PCDHA6: variants seen among roughly 807,000 people sequenced by gnomAD.
The protein encoded by PCDHA6 is protocadherin alpha 6.
In PCDHA6, 55 loss-of-function variants were observed where a neutral mutation model predicts 60.3. The ratio of observed to expected loss-of-function variants is 0.91; its 90% CI spans 0.73 to 1.14. PCDHA6 has a LOEUF of 1.14. PCDHA6 is among the 50% of genes most tolerant of loss of function. PCDHA6 has a pLI of 0.00. For missense variants in PCDHA6, 1,327 were observed against 1,256.5 expected, an observed-to-expected ratio of 1.06 and a Z score of -0.85; for synonymous variants, 652 against 557.9, an observed-to-expected ratio of 1.17 and a Z score of -2.38.
At position 140,872,763 on chromosome 5, in the gene PCDHA6, G is replaced by T. The variant is rs560485194; in HGVS notation, c.2394+42278G>T. The stretch of plus-strand genomic sequence containing the variant: ...AACTTGCTAAAGACATGCATATAGG[G>T]CTATATTATCTATAATATATGCTAG... On this transcript the variant is annotated intron_variant, in intron 1 of 3. Transcript: ENST00000529310. Among the ~76,000 whole-genome samples, 293 of 152,126 alleles carry T rather than the reference G, an allele frequency of 1.9e-3. 2 individuals are homozygous for T. The highest frequency in any genetic ancestry group is 3.6e-3 in the Non-Finnish European group (245 of 67,974).
chr5:140,871,036 C>G (rs781977409), intron 1 of PCDHA6: 3 of 1,613,274 alleles, frequency 1.9e-6, no homozygotes, highest in East Asian at 4.5e-5. Flanking sequence ...GCCGCGCCAC[C>G]GACTTCTAGT....
chr5:140,929,717 A>G (rs1408315390), intron 1 of PCDHA6: 1 of 229,936 alleles, frequency 4.3e-6, no homozygotes, highest in Non-Finnish European at 9.0e-6. Flanking sequence ...ATGGAAGGTG[A>G]AACATTTACT....
intron 1 of PCDHA6, among the ~76,000 whole-genome samples, chr5:140,937,865 T>C (rs1056873213): frequency 2.0e-5 from 3 of 149,988 alleles, no homozygotes; most frequent in Non-Finnish European, 2.9e-5. Context: ...TGAGCCGAGA[T>C]CGCGCCACTG....
At chr5:140,875,240 C>A in intron 1 of PCDHA6, 1 of 923,800 alleles carries the variant, frequency 1.1e-6, no homozygotes. Context: ...CTTGTACTTA[C>A]ATAATCAGTC....
chr5:140,954,225 A>C (rs1554221300), intron 1 of PCDHA6, among the ~76,000 whole-genome samples: 2 of 152,242 alleles, frequency 1.3e-5, no homozygotes, highest in African/African-American at 4.8e-5. Context: ...TGCTATTGTG[A>C]ATAGTGCTGC....
At chr5:141,009,095 A>G (rs1304233331) in intron 3 of PCDHA6, among the ~76,000 whole-genome samples, 3 of 152,214 alleles carry the variant, frequency 2.0e-5, no homozygotes, top group Admixed American at 6.5e-5. Context: ...AGAACCAAAC[A>G]TATGTTACTA....
At position 140,929,318 on chromosome 5, in the gene PCDHA6, A is replaced by G. The variant is rs78197291; in HGVS notation, c.2395-49631A>G. The G allele has an allele frequency of 3.9e-4, 606 of 1,545,240 alleles. 3 individuals carry two copies. The African/African-American group carries it at 7.7e-3, about 20-fold the overall frequency. ...AGGAAAGGGGATCACGCTAATGTCA[A>G]TGCCATGGTAAGCAAATTTTATGGA... On this transcript the variant is annotated intron_variant, in intron 1 of 3. Coordinates refer to ENST00000529310, the MANE Select transcript of PCDHA6 (RefSeq NM_018909.4).
chr5:140,988,866 C>T (rs1364853349), intron 3 of PCDHA6: 2 of 152,170 alleles, frequency 1.3e-5, no homozygotes, highest in Non-Finnish European at 2.9e-5. Context: ...CTCATGTGCA[C>T]TCAGATGTAC....
intron 1 of PCDHA6, chr5:140,849,828 G>A (rs2150452288): frequency 2.5e-6 from 4 of 1,598,564 alleles, no homozygotes; most frequent in East Asian, 2.2e-5. Flanking sequence ...GTCTGTGGAG[G>A]TGGCCGACGT....
chr5:140,883,960 G>A (rs2059914384), intron 1 of PCDHA6: 1 of 1,613,090 alleles, frequency 6.2e-7, no homozygotes. Context: ...ACGCTCCGGC[G>A]CTGCTGACGC....
At chr5:140,928,844 C>A (rs782361945) in intron 1 of PCDHA6, 9 of 1,614,168 alleles carry the variant, frequency 5.6e-6, no homozygotes, top group Non-Finnish European at 7.6e-6. Context: ...TCCTCTGTCA[C>A]TCTGGGTGTG....
At chr5:140,883,126 G>T (rs781992873) in intron 1 of PCDHA6, 1 of 1,614,036 alleles carries the variant, frequency 6.2e-7, no homozygotes, top group Non-Finnish European at 8.5e-7. Context: ...GGCCTGTATG[G>T]CCTGCAGTGG....
chr5:140,901,331 G>A (rs545187943), intron 1 of PCDHA6, among the ~76,000 whole-genome samples: 66 of 152,062 alleles, frequency 4.3e-4, no homozygotes, highest in Non-Finnish European at 7.1e-4. Flanking sequence ...TCTTGTAGTC[G>A]TTTTATAGTT....
rs139167552 is a variant in PCDHA6, at chr5:140,939,382, C to T, written c.2395-39567C>T. On this transcript the variant is annotated intron_variant, in intron 1 of 3. Coordinates refer to ENST00000529310, the MANE Select transcript of PCDHA6 (RefSeq NM_018909.4). ...CAAAGGAGGAGGGAACACAAACATT[C>T]AGATCATAGCAAGTTTGTGTAAATC... 3.9e-5 allele frequency among the ~76,000 whole-genome samples: 6 copies of T among 152,258 alleles called. No homozygotes were observed. The East Asian group carries it at 1.2e-3, about 29-fold the overall frequency.
chr5:140,838,334 G>A lies in PCDHA6; in HGVS notation c.2394+7849G>A, dbSNP rs2150288149. Among the ~76,000 whole-genome samples the A allele has an allele frequency of 6.8e-5, 10 of 146,222 alleles. 1 individual carries two copies. The South Asian group carries it at 1.1e-3, about 16-fold the overall frequency. On this transcript the variant is annotated intron_variant, in intron 1 of 3. Coordinates refer to ENST00000529310, the MANE Select transcript of PCDHA6 (RefSeq NM_018909.4). ...AAACAGAGTTTCACCATGTTGCCCCGGCTGGTCTCGAAATCTGGGACTCAA... is the reference window on the plus strand; with the variant it reads ...AAACAGAGTTTCACCATGTTGCCCCAGCTGGTCTCGAAATCTGGGACTCAA...
intron 3 of PCDHA6, among the ~76,000 whole-genome samples, chr5:140,984,413 CAGAGAT>C (rs1244237847): frequency 1.3e-5 from 2 of 152,148 alleles, no homozygotes; most frequent in African/African-American, 4.8e-5. Context: ...ATCTTTTTTA[CAGAGAT>C]AGAGAAGGGG....
At chr5:140,929,276 G>A (rs1554206920) in intron 1 of PCDHA6, 2 of 1,604,822 alleles carry the variant, frequency 1.2e-6, no homozygotes, top group African/African-American at 1.3e-5. Flanking sequence ...CCAATATCCT[G>A]TATTCAGATT....
At chr5:140,938,322 A>G (rs1467948489) in intron 1 of PCDHA6, among the ~76,000 whole-genome samples, 1 of 152,240 alleles carries the variant, frequency 6.6e-6, no homozygotes, top group Admixed American at 6.5e-5. Context: ...ATTGAATAGA[A>G]GTAATGTTAA....
At chr5:140,851,020 A>G in intron 1 of PCDHA6, 1 of 1,430,342 alleles carries the variant, frequency 7.0e-7, no homozygotes, top group Non-Finnish European at 9.2e-7. Flanking sequence ...TTTCTGATAA[A>G]GTAAACCCCT....
Sources: allele counts gnomAD v4.1 joint callset (sites outside exome capture counted in the v4.1 genomes callset), GRCh38; gene constraint gnomAD v4.1.1; transcripts MANE v1.5; gene names NCBI Gene and HGNC (gene_info 2026-07-23, HGNC 2026-07-21).